Variants in NTNG1 observed in about 807,000 individuals in gnomAD.
NTNG1 encodes the protein netrin G1, also known as netrin-G1.
In NTNG1, 16 loss-of-function variants were observed where a neutral mutation model predicts 54.0. The observed-to-expected ratio is 0.30, with a 90% CI of 0.20 to 0.45. The LOEUF (loss-of-function observed/expected upper bound fraction) is 0.45, where lower values mean the gene tolerates loss of function less well. Among genes scored for constraint, NTNG1 ranks in the 20% least tolerant of loss-of-function variants. The probability of loss-of-function intolerance (pLI) is 1.00; values close to 1 mark genes in which losing one functional copy is unlikely to be tolerated. For synonymous variants in NTNG1, 255 were observed against 263.1 expected (o/e 0.97, Z 0.30); for missense variants, 530 against 678.7 (o/e 0.78, Z 2.43).
At chr1:107,172,099 A>C (rs1055434511) in intron 2 of NTNG1, among the ~76,000 whole-genome samples, 3 of 152,100 alleles carry the variant, frequency 2.0e-5, no homozygotes, top group Non-Finnish European at 4.4e-5. Flanking sequence ...TAACCACCTG[A>C]CTACGTATGC....
intron 2 of NTNG1, among the ~76,000 whole-genome samples, chr1:107,223,251 T>C (rs761500254): frequency 1.3e-5 from 2 of 151,602 alleles, no homozygotes; most frequent in Admixed American, 6.6e-5. Context: ...CACGCAGGGG[T>C]GTGTGTGTGT....
rs552858490 is a variant in NTNG1, at chr1:107,203,020, C to A, written c.246+54181C>A. Among the ~76,000 whole-genome samples, 15 of 151,786 alleles carry A rather than the reference C, an allele frequency of 9.9e-5. No individual in the cohort carries two copies. The South Asian group carries it at 2.9e-3, about 30-fold the overall frequency. ...AAAATTTAAAATTATTTAATATATC[C>A]ACACTTTTTAAATGAAAAGATCTTA... On this transcript the variant is annotated intron_variant, in intron 2 of 7. Transcript: ENST00000370068.
At chr1:107,424,771 C>T (rs138440821) in intron 5 of NTNG1, among the ~76,000 whole-genome samples, 22 of 152,190 alleles carry the variant, frequency 1.4e-4, no homozygotes, top group African/African-American at 5.1e-4. Flanking sequence ...TCTTGGAAGG[C>T]AGTGGCACAC....
chr1:107,244,693 TC>T (rs1431288650), intron 2 of NTNG1, among the ~76,000 whole-genome samples: 1 of 152,258 alleles, frequency 6.6e-6, no homozygotes, highest in Non-Finnish European at 1.5e-5. Flanking sequence ...AGGTGTTCTC[TC>T]CCTTCTTCTC....
At chr1:107,439,556 G>C (rs1401046696) in intron 7 of NTNG1, among the ~76,000 whole-genome samples, 1 of 152,078 alleles carries the variant, frequency 6.6e-6, no homozygotes, top group East Asian at 1.9e-4. Context: ...AATTAGATTT[G>C]ATATATAAAT....
chr1:107,223,033 T>C (rs1660451761), intron 2 of NTNG1, among the ~76,000 whole-genome samples: 1 of 152,052 alleles, frequency 6.6e-6, no homozygotes, highest in African/African-American at 2.4e-5. Context: ...TGGAATAACC[T>C]GAGGAGGGTT....
chr1:107,202,016 G>A (rs900616918), intron 2 of NTNG1, among the ~76,000 whole-genome samples: 2 of 151,228 alleles, frequency 1.3e-5, no homozygotes, highest in African/African-American at 4.9e-5. Context: ...TAGTTCTTTT[G>A]GCTTTAAATT....
In NTNG1 at chr1:107,351,932, C is replaced by T. The variant is rs114684043; in HGVS notation, c.887+27010C>T. ...GCCAAAAGAAAGGGGCTACAGGCCC[C>T]GTGCAAGTCCAAAACCCAACATGGT... On this transcript the variant is annotated intron_variant, in intron 3 of 7. Transcript: ENST00000370068. Among the ~76,000 whole-genome samples, 668 of 152,344 alleles carry T rather than the reference C, an allele frequency of 4.4e-3. 3 individuals carry two copies. Among genetic ancestry groups the T allele is most frequent in the African/African-American group, 0.014 (601 of 41,566 alleles).
chr1:107,247,863 C>T (rs1662305649), intron 2 of NTNG1, among the ~76,000 whole-genome samples: 1 of 152,078 alleles, frequency 6.6e-6, no homozygotes, highest in African/African-American at 2.4e-5. Flanking sequence ...TGTCTGACAC[C>T]CACCTTTTCA....
intron 6 of NTNG1, 99 bp from the exon 7 acceptor site, chr1:107,436,566 T>C: frequency 2.1e-6 from 2 of 962,614 alleles, no homozygotes; most frequent in Non-Finnish European, 1.5e-6. Context: ...ACATCTTTCT[T>C]TAAGTAAGTG....
intron 2 of NTNG1, among the ~76,000 whole-genome samples, chr1:107,250,705 A>T (rs1189699082): frequency 7.5e-6 from 1 of 134,168 alleles, no homozygotes; most frequent in Non-Finnish European, 1.6e-5. Flanking sequence ...TGTGTCCAGA[A>T]TCCAGGCAAG....
chr1:107,264,151 C>T (rs1182583850), intron 2 of NTNG1, among the ~76,000 whole-genome samples: 1 of 152,040 alleles, frequency 6.6e-6, no homozygotes, highest in Non-Finnish European at 1.5e-5. Context: ...CACACACACG[C>T]CCACAAACAC....
Position 107,431,871 on chromosome 1 carries a change from T to A in NTNG1, c.1255+954T>A, listed in dbSNP as rs144581459. Among the ~76,000 whole-genome samples, 506 of 152,292 alleles carry A rather than the reference T, an allele frequency of 3.3e-3. 3 individuals are homozygous for A. The highest frequency in any genetic ancestry group is 0.011 in the African/African-American group (471 of 41,558). On this transcript the variant is annotated intron_variant, in intron 6 of 7. Transcript: ENST00000370068. Reference sequence around the variant, plus strand: ...TCACATTGAGGTACGTTCAATAGGATACACAAGCTGAATAATGACAAGCAA... The same window carrying A: ...TCACATTGAGGTACGTTCAATAGGAAACACAAGCTGAATAATGACAAGCAA...
At chr1:107,316,465 A>G (rs1189525438) in intron 2 of NTNG1, among the ~76,000 whole-genome samples, 1 of 152,196 alleles carries the variant, frequency 6.6e-6, no homozygotes, top group Non-Finnish European at 1.5e-5. Context: ...CAAGCCTCCT[A>G]GACTTCTCTT....
intron 5 of NTNG1, among the ~76,000 whole-genome samples, chr1:107,429,298 C>T (rs1675104603): frequency 6.6e-6 from 1 of 152,120 alleles, no homozygotes; most frequent in Non-Finnish European, 1.5e-5. Context: ...ATTGTAGTAA[C>T]TAGCTCTCTA....
intron 3 of NTNG1, among the ~76,000 whole-genome samples, chr1:107,365,408 G>A (rs950982290): frequency 6.6e-6 from 1 of 152,058 alleles, no homozygotes; most frequent in Admixed American, 6.6e-5. Context: ...AATCTTTCTT[G>A]GCACTCCAGG....
intron 2 of NTNG1, among the ~76,000 whole-genome samples, chr1:107,277,506 G>GT (rs1664557328): frequency 6.6e-6 from 1 of 152,140 alleles, no homozygotes; most frequent in Non-Finnish European, 1.5e-5. Flanking sequence ...AGAATCCTAG[G>GT]TAAGCTTCAA....
chr1:107,387,119 T>C (rs1054950163), intron 3 of NTNG1, among the ~76,000 whole-genome samples: 2 of 152,262 alleles, frequency 1.3e-5, no homozygotes, highest in African/African-American at 4.8e-5. Flanking sequence ...AAATCAGTTG[T>C]TAGCATTCCT....
chr1:107,457,261 A>G (rs1319265847), intron 7 of NTNG1, among the ~76,000 whole-genome samples: 5 of 152,250 alleles, frequency 3.3e-5, no homozygotes, highest in African/African-American at 4.8e-5. Context: ...CTTATTTTGT[A>G]GTATGAATTT....
Sources: gnomAD v4.1 joint callset for allele counts (sites outside exome capture counted in the v4.1 genomes callset) on GRCh38, gnomAD v4.1.1 for gene constraint, MANE v1.5 for transcripts, NCBI Gene and HGNC (gene_info 2026-07-23, HGNC 2026-07-21) for gene names.